CNTNAP4: variants seen among roughly 807,000 people sequenced by gnomAD.
CNTNAP4 encodes contactin-associated protein-like 4.
Under a neutral mutation model 148.4 loss-of-function variants are expected in CNTNAP4, and 98 were observed. The observed-to-expected ratio is 0.66, with a 90% CI of 0.56 to 0.78. The LOEUF (loss-of-function observed/expected upper bound fraction) is 0.78, where lower values mean the gene tolerates loss of function less well. Among genes scored for constraint, CNTNAP4 ranks in the 30% least tolerant of loss-of-function variants. The pLI is 0.00. For missense variants in CNTNAP4, 1,935 were observed against 1,565.6 expected, an observed-to-expected ratio of 1.24 and a Z score of -3.98; for synonymous variants, 730 against 565.1, an observed-to-expected ratio of 1.29 and a Z score of -4.14.
At chr16:76,296,805 T>A (rs1959353805) in intron 1 of CNTNAP4, among the ~76,000 whole-genome samples, 1 of 152,158 alleles carries the variant, frequency 6.6e-6, no homozygotes, top group South Asian at 2.1e-4. Context: ...TTGACCATAT[T>A]TGATACCCCA....
chr16:76,333,942 T>C (rs1033627471), intron 2 of CNTNAP4, among the ~76,000 whole-genome samples: 1 of 151,990 alleles, frequency 6.6e-6, no homozygotes, highest in Non-Finnish European at 1.5e-5. Flanking sequence ...TTTTGAATGA[T>C]CGCCATTCTA....
intron 3 of CNTNAP4, among the ~76,000 whole-genome samples, chr16:76,384,744 A>G (rs1357991124): frequency 6.6e-6 from 1 of 152,210 alleles, no homozygotes; most frequent in African/African-American, 2.4e-5. Flanking sequence ...GCCAGGCTTT[A>G]AGAATTAATT....
chr16:76,457,051 A>C (rs1839468046), intron 8 of CNTNAP4, among the ~76,000 whole-genome samples: 1 of 152,220 alleles, frequency 6.6e-6, no homozygotes, highest in Admixed American at 6.5e-5. Context: ...CCCCAGACTT[A>C]AAAGTTATGA....
At position 76,528,716 on chromosome 16, in the gene CNTNAP4, A is replaced by G. The variant is rs190119832; in HGVS notation, c.2755+6459A>G. ...CACATCTCAGAGTGAAACTGTGAGG[A>G]AAGATTAATGCTTTACTTTCTGAGA... On this transcript the variant is annotated intron_variant, in intron 17 of 23. Coordinates refer to ENST00000611870, the MANE Select transcript of CNTNAP4 (RefSeq NM_033401.5). 4.4e-3 allele frequency among the ~76,000 whole-genome samples: 673 copies of G among 152,356 alleles called. 3 individuals are homozygous for G. Among genetic ancestry groups the G allele is most frequent in the Non-Finnish European group, 8.1e-3 (548 of 68,030 alleles).
chr16:76,307,704 A>T (rs1309556189), intron 1 of CNTNAP4, among the ~76,000 whole-genome samples: 1 of 151,930 alleles, frequency 6.6e-6, no homozygotes, highest in African/African-American at 2.4e-5. Flanking sequence ...CTAAAAAATT[A>T]TTATTTCTTC....
chr16:76,416,646 T>C (rs1046395129), intron 3 of CNTNAP4, among the ~76,000 whole-genome samples: 5 of 151,486 alleles, frequency 3.3e-5, no homozygotes, highest in South Asian at 2.1e-4. Flanking sequence ...AAGAGTGTGT[T>C]TTATGACCGA....
intron 7 of CNTNAP4, among the ~76,000 whole-genome samples, chr16:76,451,422 C>T (rs1316116853): frequency 2.0e-5 from 3 of 152,006 alleles, no homozygotes; most frequent in African/African-American, 7.3e-5. Context: ...AATTTAAGCT[C>T]ATGTGTCAGC....
At chr16:76,479,799 CTATT>C (rs1381372574) in intron 12 of CNTNAP4, among the ~76,000 whole-genome samples, 4 of 151,970 alleles carry the variant, frequency 2.6e-5, no homozygotes, top group African/African-American at 9.7e-5. Flanking sequence ...AAAGGATAGA[CTATT>C]TATGAGAGAA....
intron 3 of CNTNAP4, among the ~76,000 whole-genome samples, chr16:76,371,108 C>G (rs1291120564): frequency 6.6e-6 from 1 of 152,108 alleles, no homozygotes; most frequent in African/African-American, 2.4e-5. Context: ...CGATTCAATT[C>G]TTTATTTCTC....
At chr16:76,556,673 T>G (rs1437949981) in intron 23 of CNTNAP4, among the ~76,000 whole-genome samples, 1 of 152,236 alleles carries the variant, frequency 6.6e-6, no homozygotes, top group Non-Finnish European at 1.5e-5. Flanking sequence ...AACTGTTTAT[T>G]TTTTCTAAAA....
At chr16:76,527,931 GTTAGTGTT>G (rs1235280423) in intron 17 of CNTNAP4, among the ~76,000 whole-genome samples, 1 of 152,106 alleles carries the variant, frequency 6.6e-6, no homozygotes, top group African/African-American at 2.4e-5. Context: ...CTGAAAGACT[GTTAGTGTT>G]ACTCATTCTA....
chr16:76,532,524 A>G (rs1040424301), intron 17 of CNTNAP4, among the ~76,000 whole-genome samples: 1 of 152,232 alleles, frequency 6.6e-6, no homozygotes, highest in African/African-American at 2.4e-5. Context: ...CCTGTGAGTT[A>G]GGGAGACTGT....
At chr16:76,311,939 A>G (rs1173187761) in intron 1 of CNTNAP4, among the ~76,000 whole-genome samples, 1 of 152,190 alleles carries the variant, frequency 6.6e-6, no homozygotes, top group Non-Finnish European at 1.5e-5. Context: ...TGAAATAGCT[A>G]AAATGTTATT....
At chr16:76,339,862 T>A (rs555023010) in intron 2 of CNTNAP4, among the ~76,000 whole-genome samples, 32 of 152,316 alleles carry the variant, frequency 2.1e-4, no homozygotes, top group African/African-American at 7.5e-4. Flanking sequence ...AGCTATTAAT[T>A]TAACAAACAA....
chr16:76,476,140 C>A (rs929125141), intron 11 of CNTNAP4, 95 bp downstream of exon 11: 4 of 775,044 alleles, frequency 5.2e-6, no homozygotes, highest in African/African-American at 3.4e-5. Flanking sequence ...CTGTTCTGTG[C>A]AAACTCAGCA....
chr16:76,553,785 T>C, intron 22 of CNTNAP4, 51 bp from the exon 23 acceptor site: 1 of 1,163,220 alleles, frequency 8.6e-7, no homozygotes. Context: ...TCAAAATTTC[T>C]TCTTTTACTT....
chr16:76,337,000 C>T (rs112749053), intron 2 of CNTNAP4, among the ~76,000 whole-genome samples: 3,560 of 152,204 alleles, frequency 0.023, 65 homozygotes, highest in Non-Finnish European at 0.035. Flanking sequence ...TCAAACTAAC[C>T]GCTGTCAAGC....
At position 76,522,111 on chromosome 16, in the gene CNTNAP4, A is replaced by T; in HGVS notation, c.2609A>T (p.His870Leu). 1 of 1,613,914 alleles carries T rather than the reference A, an allele frequency of 6.2e-7. No individual in the cohort carries two copies. Among genetic ancestry groups the T allele is most frequent in the Non-Finnish European group, 8.5e-7 (1 of 1,179,870 alleles). Residue 870 changes from histidine (H) to leucine (L), a missense_variant, in exon 17 of 24, where the codon CAC (histidine) becomes CTC (leucine). Physicochemically the swap from His to Leu is moderately conservative, Grantham distance 99. Transcript: ENST00000611870. ...PFEISVQSPT[H>L]FNDNQWHHVR... ...GAAATCTCAGTGCAGTCACCCACCC[A>T]CTTCAACGACAACCAGTGGCACCAT...
At chr16:76,383,075 A>G (rs79866201) in intron 3 of CNTNAP4, among the ~76,000 whole-genome samples, 2,135 of 151,496 alleles carry the variant, frequency 0.014, 30 homozygotes, top group African/African-American at 0.049. Context: ...TAGTCTGAAC[A>G]TTGGTTTGTA....
Sources: gnomAD v4.1 joint callset for allele counts (sites outside exome capture counted in the v4.1 genomes callset) on GRCh38, gnomAD v4.1.1 for gene constraint, MANE v1.5 for transcripts, NCBI Gene and HGNC (gene_info 2026-07-23, HGNC 2026-07-21) for gene names.